Variants in CPNE5 observed in about 807,000 individuals in gnomAD.
CPNE5 encodes the protein copine 5.
CPNE5 carries 42 observed loss-of-function variants against 81.1 expected under a neutral mutation model. The ratio of observed to expected loss-of-function variants is 0.52; its 90% CI spans 0.40 to 0.67. The LOEUF (loss-of-function observed/expected upper bound fraction) is 0.67. CPNE5 is among the 30% of genes least tolerant of loss of function. The probability of loss-of-function intolerance (pLI) is 0.00; values close to 1 mark genes in which losing one functional copy is unlikely to be tolerated. For missense variants in CPNE5, 612 were observed against 815.5 expected (o/e 0.75, Z 3.04); for synonymous variants, 313 against 321.5 (o/e 0.97, Z 0.28).
chr6:36,803,494 C>G (rs1037844283), intron 3 of CPNE5, among the ~76,000 whole-genome samples: 31 of 152,328 alleles, frequency 2.0e-4, no homozygotes, highest in African/African-American at 7.0e-4. Flanking sequence ...CAGGACCTAA[C>G]ACAGCATTTA....
At chr6:36,796,972 C>G (rs562603346) in intron 6 of CPNE5, among the ~76,000 whole-genome samples, 1 of 152,130 alleles carries the variant, frequency 6.6e-6, no homozygotes, top group South Asian at 2.1e-4. Context: ...GTACAGTAGC[C>G]CAATCTCGGC....
At chr6:36,742,515 G>A (rs775448595) in intron 20 of CPNE5, 29 bp from the exon 21 acceptor site, 16 of 1,596,748 alleles carry the variant, frequency 1.0e-5, no homozygotes, top group Non-Finnish European at 1.2e-5. Flanking sequence ...GGGTCAGGCA[G>A]TGCCTCCTGT....
At chr6:36,793,735 G>A (rs548033054) in intron 7 of CPNE5, among the ~76,000 whole-genome samples, 155 of 152,282 alleles carry the variant, frequency 1.0e-3, no homozygotes, top group African/African-American at 3.0e-3. Context: ...CCCCGGGCCC[G>A]CCGGAGGCCC....
intron 16 of CPNE5, 111 bp from the exon 17 acceptor site, chr6:36,745,626 C>G: frequency 1.6e-6 from 2 of 1,221,738 alleles, no homozygotes; most frequent in Non-Finnish European, 2.3e-6. Flanking sequence ...TCCCCCAGGT[C>G]TTCTCTGGTG....
intron 1 of CPNE5, among the ~76,000 whole-genome samples, chr6:36,835,856 G>C (rs1305186913): frequency 6.6e-6 from 1 of 151,030 alleles, no homozygotes; most frequent in Non-Finnish European, 1.5e-5. Flanking sequence ...GACACACACA[G>C]ACCCTGGGAG....
chr6:36,774,473 A>T (rs1050417252), intron 10 of CPNE5, among the ~76,000 whole-genome samples: 4 of 152,164 alleles, frequency 2.6e-5, no homozygotes, highest in African/African-American at 9.7e-5. Context: ...TATCCCTAGG[A>T]TCTTGACTCC....
chr6:36,826,798 C>T (rs11758807), intron 1 of CPNE5, among the ~76,000 whole-genome samples: 30,233 of 152,246 alleles, frequency 0.2, 3,824 homozygotes, highest in East Asian at 0.32. Context: ...CACTTCCTCT[C>T]AGCTGTGGCA....
At chr6:36,797,196 G>A (rs1258964669) in intron 6 of CPNE5, among the ~76,000 whole-genome samples, 2 of 152,208 alleles carry the variant, frequency 1.3e-5, no homozygotes, top group Admixed American at 6.5e-5. Context: ...GTGAGCCACC[G>A]TGCCCGGTTC....
intron 3 of CPNE5, among the ~76,000 whole-genome samples, chr6:36,817,789 G>A (rs139787556): frequency 6.6e-6 from 1 of 152,176 alleles, no homozygotes; most frequent in Admixed American, 6.5e-5. Context: ...AGAGACTGAG[G>A]TTGCCTGAGT....
At chr6:36,751,724 G>A (rs1764846656) in intron 14 of CPNE5, among the ~76,000 whole-genome samples, 1 of 152,192 alleles carries the variant, frequency 6.6e-6, no homozygotes, top group Non-Finnish European at 1.5e-5. Context: ...GAACCCAGGA[G>A]GCGGAGGTTG....
At chr6:36,803,258 A>G (rs921912340) in intron 3 of CPNE5, among the ~76,000 whole-genome samples, 3 of 152,066 alleles carry the variant, frequency 2.0e-5, no homozygotes, top group Non-Finnish European at 4.4e-5. Flanking sequence ...CAACCTCCTA[A>G]GGGGCCCCCA....
At chr6:36,820,477 GACT>G (rs1012871497) in intron 3 of CPNE5, among the ~76,000 whole-genome samples, 85 of 151,762 alleles carry the variant, frequency 5.6e-4, no homozygotes, top group African/African-American at 2.0e-3. Context: ...AAATAGCTGG[GACT>G]ACAGGCACGC....
intron 8 of CPNE5, 107 bp downstream of exon 8, chr6:36,791,926 A>C: frequency 1.1e-6 from 1 of 942,508 alleles, no homozygotes; most frequent in Non-Finnish European, 1.7e-6. Flanking sequence ...GGTCAGCATC[A>C]GGAGCCCTGT....
At chr6:36,750,211 C>G (rs1764654566) in intron 14 of CPNE5, among the ~76,000 whole-genome samples, 2 of 152,228 alleles carry the variant, frequency 1.3e-5, no homozygotes, top group Non-Finnish European at 2.9e-5. Context: ...GGCCTCACCT[C>G]ACTTGCATTT....
In CPNE5 at chr6:36,798,366, A is replaced by T. The variant is rs1769784547; in HGVS notation, c.327+89T>A. 3.3e-6 allele frequency: 5 copies of T among 1,513,696 alleles called. No homozygotes were observed. The East Asian group carries it at 1.1e-4, about 34-fold the overall frequency. The allele number at this position is 1,513,696 out of a possible 1,614,324, so 93.8% of individuals were successfully genotyped here. Reference sequence around the variant, plus strand: ...AATGACAGGACGCAGCGTCGGACACACATTCCATCACAGCAAAGCCCCAGG... The same window carrying T: ...AATGACAGGACGCAGCGTCGGACACTCATTCCATCACAGCAAAGCCCCAGG... On this transcript the variant is annotated intron_variant, in intron 5 of 20. Transcript: ENST00000244751.
intron 8 of CPNE5, among the ~76,000 whole-genome samples, chr6:36,781,488 A>G (rs1768032723): frequency 6.6e-6 from 1 of 152,244 alleles, no homozygotes; most frequent in Non-Finnish European, 1.5e-5. Context: ...TAACTCAGAC[A>G]GTCAGATTTC....
At chr6:36,828,742 T>C (rs1016571406) in intron 1 of CPNE5, among the ~76,000 whole-genome samples, 1 of 152,118 alleles carries the variant, frequency 6.6e-6, no homozygotes, top group African/African-American at 2.4e-5. Flanking sequence ...GAAAAGGTGG[T>C]GTATCTTCTT....
intron 3 of CPNE5, among the ~76,000 whole-genome samples, chr6:36,821,898 A>T (rs1429939808): frequency 6.6e-6 from 1 of 152,188 alleles, no homozygotes; most frequent in Non-Finnish European, 1.5e-5. Context: ...CTCCTCTCAG[A>T]CTGGGGCTGC....
At chr6:36,816,653 T>C (rs12664540) in intron 3 of CPNE5, among the ~76,000 whole-genome samples, 16,112 of 152,306 alleles carry the variant, frequency 0.11, 1,078 homozygotes, top group East Asian at 0.29. Flanking sequence ...GGCAGTCTTC[T>C]ATCCCAGAGG....
Sources: allele counts gnomAD v4.1 joint callset (sites outside exome capture counted in the v4.1 genomes callset), GRCh38; gene constraint gnomAD v4.1.1; transcripts MANE v1.5; gene names NCBI Gene and HGNC (gene_info 2026-07-23, HGNC 2026-07-21).